The following FHIT variants were observed in gnomAD, a reference collection of about 807,000 sequenced individuals.
FHIT encodes bis(5'-adenosyl)-triphosphatase.
In FHIT, 19 loss-of-function variants were observed where a neutral mutation model predicts 17.9. The ratio of observed to expected loss-of-function variants is 1.06; its 90% CI spans 0.74 to 1.56. The LOEUF (loss-of-function observed/expected upper bound fraction) is 1.56, where lower values mean the gene tolerates loss of function less well. Among genes scored for constraint, FHIT ranks in the 40% most tolerant of loss-of-function variants. FHIT has a pLI of 0.00. For missense variants in FHIT, 248 were observed against 189.2 expected, an observed-to-expected ratio of 1.31 and a Z score of -1.82; for synonymous variants, 81 against 69.7, an observed-to-expected ratio of 1.16 and a Z score of -0.81.
intron 3 of FHIT, among the ~76,000 whole-genome samples, chr3:60,870,409 A>G (rs1704362438): frequency 6.6e-6 from 1 of 152,168 alleles, no homozygotes; most frequent in African/African-American, 2.4e-5. Flanking sequence ...AGCTCTGTCT[A>G]GGGAAAGGAA....
intron 4 of FHIT, among the ~76,000 whole-genome samples, chr3:60,765,973 AC>A (rs1489886419): frequency 1.3e-5 from 2 of 152,060 alleles, no homozygotes; most frequent in African/African-American, 4.8e-5. Flanking sequence ...AGTGGCTCAG[AC>A]TTTGGCCACA....
chr3:59,872,350 G>A (rs1261386479), intron 8 of FHIT, among the ~76,000 whole-genome samples: 4 of 152,178 alleles, frequency 2.6e-5, no homozygotes, highest in African/African-American at 4.8e-5. Context: ...TGAGGAGGGC[G>A]ATGAGGCTGA....
At chr3:60,314,869 G>A (rs1039831799) in intron 5 of FHIT, among the ~76,000 whole-genome samples, 5 of 152,076 alleles carry the variant, frequency 3.3e-5, no homozygotes, top group South Asian at 2.1e-4. Flanking sequence ...AGGATCACTC[G>A]AGTCCCAAGT....
chr3:61,151,983 A>T (rs1406850491), intron 2 of FHIT, among the ~76,000 whole-genome samples: 1 of 152,164 alleles, frequency 6.6e-6, no homozygotes, highest in Non-Finnish European at 1.5e-5. Flanking sequence ...AAGCCTTTAC[A>T]TTGGAATACT....
intron 7 of FHIT, among the ~76,000 whole-genome samples, chr3:59,938,866 T>C (rs1320475328): frequency 6.6e-6 from 1 of 152,114 alleles, no homozygotes; most frequent in African/African-American, 2.4e-5. Context: ...ATGACTCCGA[T>C]TAGGACAATG....
intron 5 of FHIT, among the ~76,000 whole-genome samples, chr3:60,092,656 T>G (rs572774843): frequency 6.6e-6 from 1 of 151,982 alleles, no homozygotes; most frequent in African/African-American, 2.4e-5. Context: ...ATGGAAGAAA[T>G]GGAAAGGAGA....
At chr3:60,502,502 T>A (rs911122308) in intron 5 of FHIT, among the ~76,000 whole-genome samples, 2 of 152,224 alleles carry the variant, frequency 1.3e-5, no homozygotes, top group East Asian at 3.9e-4. Context: ...CTTGCGGGTT[T>A]AGGTCTTAAC....
chr3:60,572,436 T>A (rs1232379945), intron 4 of FHIT, among the ~76,000 whole-genome samples: 10 of 152,180 alleles, frequency 6.6e-5, no homozygotes, highest in Non-Finnish European at 2.9e-5. Context: ...CCCCTAGGCA[T>A]GTTTACAAAT....
chr3:60,607,404 G>A (rs782432314), intron 4 of FHIT, among the ~76,000 whole-genome samples: 1 of 151,576 alleles, frequency 6.6e-6, no homozygotes, highest in African/African-American at 2.4e-5. Context: ...GCAAATGGTA[G>A]AATTCTTTTT....
chr3:60,192,848 A>G (rs759114727), intron 5 of FHIT, among the ~76,000 whole-genome samples: 1 of 152,148 alleles, frequency 6.6e-6, no homozygotes, highest in Non-Finnish European at 1.5e-5. Context: ...CCACATTAAG[A>G]GCTTTTTCAA....
chr3:61,186,131 C>T (rs765924933), intron 2 of FHIT, among the ~76,000 whole-genome samples: 21 of 152,134 alleles, frequency 1.4e-4, no homozygotes, highest in Non-Finnish European at 2.2e-4. Context: ...TGCCCTGTAG[C>T]GGGTATAAGT....
chr3:60,529,206 A>C (rs1576819170), intron 5 of FHIT, among the ~76,000 whole-genome samples: 1 of 152,316 alleles, frequency 6.6e-6, no homozygotes, highest in East Asian at 1.9e-4. Flanking sequence ...AATGGCAGCT[A>C]AGTAAATAAA....
chr3:61,161,813 C>G (rs2037703383), intron 2 of FHIT, among the ~76,000 whole-genome samples: 1 of 152,170 alleles, frequency 6.6e-6, no homozygotes, highest in African/African-American at 2.4e-5. Flanking sequence ...TTTTATCAAA[C>G]AGTCGTGAAA....
intron 5 of FHIT, among the ~76,000 whole-genome samples, chr3:60,495,550 G>C (rs960839734): frequency 6.6e-6 from 1 of 151,760 alleles, no homozygotes; most frequent in Non-Finnish European, 1.5e-5. Flanking sequence ...ATTGACATTG[G>C]AACTTGATTC....
At chr3:60,169,035 A>C (rs1701304958) in intron 5 of FHIT, among the ~76,000 whole-genome samples, 2 of 152,342 alleles carry the variant, frequency 1.3e-5, no homozygotes, top group Middle Eastern at 6.8e-3. Context: ...AATATGGGGT[A>C]AAAGTACGTG....
intron 5 of FHIT, among the ~76,000 whole-genome samples, chr3:60,067,157 C>T (rs1043689567): frequency 6.6e-6 from 1 of 152,110 alleles, no homozygotes; most frequent in Non-Finnish European, 1.5e-5. Context: ...AGTCTCTATT[C>T]CTTTGCTCAG....
At chr3:59,878,503 A>G (rs1407341581) in intron 8 of FHIT, among the ~76,000 whole-genome samples, 2 of 152,192 alleles carry the variant, frequency 1.3e-5, no homozygotes, top group Non-Finnish European at 2.9e-5. Flanking sequence ...TCAGAAGCCC[A>G]TTTCTGACTC....
chr3:61,186,963 A>C (rs1480980283), intron 2 of FHIT, among the ~76,000 whole-genome samples: 2 of 152,142 alleles, frequency 1.3e-5, no homozygotes, highest in Non-Finnish European at 2.9e-5. Flanking sequence ...TTCCTAAATA[A>C]GATTTACATA....
At chr3:60,316,313 C>G (rs1365977595) in intron 5 of FHIT, among the ~76,000 whole-genome samples, 1 of 152,146 alleles carries the variant, frequency 6.6e-6, no homozygotes, top group Non-Finnish European at 1.5e-5. Context: ...AGATCTGCCT[C>G]TTTGCCAGAT....
Sources: allele counts gnomAD v4.1 joint callset (sites outside exome capture counted in the v4.1 genomes callset), GRCh38; gene constraint gnomAD v4.1.1; transcripts MANE v1.5; gene names NCBI Gene and HGNC (gene_info 2026-07-23, HGNC 2026-07-21).